The following AGBL4 variants were observed in gnomAD, a reference collection of about 807,000 sequenced individuals.
AGBL4 encodes the protein cytosolic carboxypeptidase 6.
A neutral mutation model predicts 66.4 loss-of-function variants in AGBL4; 58 were observed. The observed-to-expected ratio is 0.87, with a 90% CI of 0.71 to 1.09. The LOEUF (loss-of-function observed/expected upper bound fraction) is 1.09. Ranked by LOEUF, AGBL4 falls within the 50% of genes least tolerant of loss-of-function variation. The pLI, the probability that AGBL4 is intolerant of heterozygous loss-of-function variation, is 0.00. For synonymous variants in AGBL4, 234 were observed against 222.9 expected (o/e 1.05, Z -0.44); for missense variants, 579 against 631.0 (o/e 0.92, Z 0.88).
chr1:49,065,761 TAGAAGAAAAG>T (rs1468521989), intron 4 of AGBL4, among the ~76,000 whole-genome samples: 2 of 152,146 alleles, frequency 1.3e-5, no homozygotes, highest in African/African-American at 2.4e-5. Context: ...TCCGCTAAAA[TAGAAGAAAAG>T]AGTAAGATTC....
chr1:49,673,852 A>C (rs1174409375), intron 3 of AGBL4, among the ~76,000 whole-genome samples: 1 of 151,988 alleles, frequency 6.6e-6, no homozygotes, highest in African/African-American at 2.4e-5. Flanking sequence ...TGCTATGGGG[A>C]TGCTGGAGAA....
intron 3 of AGBL4, among the ~76,000 whole-genome samples, chr1:49,675,719 T>C (rs1302673315): frequency 1.3e-5 from 2 of 152,066 alleles, no homozygotes; most frequent in African/African-American, 4.8e-5. Context: ...ATTCTTAATA[T>C]TGTATCTGTA....
chr1:49,880,909 A>G (rs1227416596), intron 1 of AGBL4, among the ~76,000 whole-genome samples: 1 of 151,974 alleles, frequency 6.6e-6, no homozygotes, highest in Non-Finnish European at 1.5e-5. Flanking sequence ...TTCGGGTGGG[A>G]GTGACCCGAT....
At chr1:48,926,244 ATTATTTTATTTTATTTTATT>A (rs138261010) in intron 5 of AGBL4, among the ~76,000 whole-genome samples, 1 of 142,262 alleles carries the variant, frequency 7.0e-6, no homozygotes, top group Non-Finnish European at 1.5e-5. Flanking sequence ...ATGACCATGA[ATTATTTTATTTTATTTTATT>A]TTATTTTATT....
chr1:48,565,206 A>T (rs916645292), intron 11 of AGBL4, among the ~76,000 whole-genome samples: 3 of 152,192 alleles, frequency 2.0e-5, no homozygotes, highest in Non-Finnish European at 2.9e-5. Context: ...CCAGGAAATC[A>T]CTGCCCTCTC....
At chr1:48,565,387 T>G (rs1354722750) in intron 11 of AGBL4, among the ~76,000 whole-genome samples, 3 of 152,212 alleles carry the variant, frequency 2.0e-5, no homozygotes, top group Admixed American at 2.0e-4. Context: ...AGTTGGTCAG[T>G]GACCACCTTC....
chr1:49,232,423 G>A (rs915485929), intron 4 of AGBL4, among the ~76,000 whole-genome samples: 1 of 152,072 alleles, frequency 6.6e-6, no homozygotes, highest in Admixed American at 6.6e-5. Context: ...AGTTGGCTGG[G>A]CGCGGTGGCT....
intron 5 of AGBL4, among the ~76,000 whole-genome samples, chr1:49,034,641 C>T (rs1664492923): frequency 6.6e-6 from 1 of 152,058 alleles, no homozygotes; most frequent in Non-Finnish European, 1.5e-5. Flanking sequence ...GGGGTGGCTA[C>T]CCTTATGCTG....
chr1:48,622,117 G>A (rs1645423869), intron 9 of AGBL4, among the ~76,000 whole-genome samples: 1 of 151,944 alleles, frequency 6.6e-6, no homozygotes, highest in Admixed American at 6.6e-5. Context: ...TTCTCCACAT[G>A]CTCTCCTGGT....
At chr1:48,644,957 T>G (rs1227662633) in intron 8 of AGBL4, among the ~76,000 whole-genome samples, 1 of 152,214 alleles carries the variant, frequency 6.6e-6, no homozygotes, top group African/African-American at 2.4e-5. Context: ...TACTGTCTCC[T>G]CAGAGGCCTG....
intron 1 of AGBL4, among the ~76,000 whole-genome samples, chr1:49,891,069 G>T (rs1648595220): frequency 6.6e-6 from 1 of 152,106 alleles, no homozygotes; most frequent in African/African-American, 2.4e-5. Context: ...CATTTTATTT[G>T]ACCCCTGAGT....
At chr1:49,776,645 A>C (rs894009814) in intron 2 of AGBL4, among the ~76,000 whole-genome samples, 1 of 151,942 alleles carries the variant, frequency 6.6e-6, no homozygotes, top group Non-Finnish European at 1.5e-5. Context: ...ACTAACTACC[A>C]CTTTGCTTTC....
At chr1:49,547,450 T>C (rs986433580) in intron 3 of AGBL4, among the ~76,000 whole-genome samples, 1 of 152,190 alleles carries the variant, frequency 6.6e-6, no homozygotes, top group Non-Finnish European at 1.5e-5. Flanking sequence ...GCTTCCAGAT[T>C]TGTTCTTTTT....
At chr1:48,683,509 G>T (rs1570243686) in intron 6 of AGBL4, among the ~76,000 whole-genome samples, 1 of 152,294 alleles carries the variant, frequency 6.6e-6, no homozygotes, top group South Asian at 2.1e-4. Context: ...CATCCATCAT[G>T]ACTCAGAATC....
At chr1:48,882,675 A>T (rs1015328776) in intron 5 of AGBL4, among the ~76,000 whole-genome samples, 1 of 152,160 alleles carries the variant, frequency 6.6e-6, no homozygotes, top group African/African-American at 2.4e-5. Context: ...ATTTTCAAGT[A>T]AAATTATTGT....
intron 11 of AGBL4, chr1:48,585,945 T>G (rs1383378616): frequency 6.6e-6 from 1 of 152,184 alleles, no homozygotes; most frequent in African/African-American, 2.4e-5. Flanking sequence ...GAAAAAATGC[T>G]AAAAGAGCAC....
At chr1:49,602,658 C>T (rs1011880452) in intron 3 of AGBL4, among the ~76,000 whole-genome samples, 1 of 151,512 alleles carries the variant, frequency 6.6e-6, no homozygotes, top group Middle Eastern at 3.4e-3. Context: ...CACATGGACA[C>T]AGGGAGGGGA....
Position 49,549,924 on chromosome 1 carries a change from T to C in AGBL4, c.282+147389A>G, listed in dbSNP as rs573511849. Among the ~76,000 whole-genome samples, 10 of 152,334 alleles carry C rather than the reference T, an allele frequency of 6.6e-5. No individual in the cohort carries two copies. In the South Asian group the frequency reaches 1.9e-3, roughly 28 times the overall value. On this transcript the variant is annotated intron_variant, in intron 3 of 13. Transcript: ENST00000371839. ...ATTATGTTGCTGTCTATATCATTTC[T>C]TAGGTCTATTAGTAATTGTTTTATA...
intron 3 of AGBL4, among the ~76,000 whole-genome samples, chr1:49,550,972 T>A (rs1375938625): frequency 1.3e-5 from 2 of 152,112 alleles, no homozygotes; most frequent in Non-Finnish European, 2.9e-5. Context: ...ATCCCAGACT[T>A]CTTGGAGACT....
Sources: allele counts gnomAD v4.1 joint callset (sites outside exome capture counted in the v4.1 genomes callset), GRCh38; gene constraint gnomAD v4.1.1; transcripts MANE v1.5; gene names NCBI Gene and HGNC (gene_info 2026-07-23, HGNC 2026-07-21).